DDC: variants seen among roughly 807,000 people sequenced by gnomAD.
The protein encoded by DDC is aromatic-L-amino-acid decarboxylase.
Under a neutral mutation model 60.0 loss-of-function variants are expected in DDC, and 43 were observed. The observed-to-expected ratio is 0.72, with a 90% confidence interval of 0.56 to 0.92. DDC has a LOEUF of 0.92. Ranked by LOEUF, DDC falls within the 40% of genes least tolerant of loss-of-function variation. DDC has a pLI of 0.00. For synonymous variants in DDC, 232 were observed against 234.6 expected, an observed-to-expected ratio of 0.99 and a Z score of 0.10; for missense variants, 573 against 620.2, an observed-to-expected ratio of 0.92 and a Z score of 0.81.
Position 50,463,437 on chromosome 7 carries a change from G to A in DDC, c.1243-6C>T, listed in dbSNP as rs368858247. The A allele has an allele frequency of 2.5e-6, 4 of 1,613,422 alleles. No homozygotes were observed. Among genetic ancestry groups the A allele is most frequent in the Non-Finnish European group, 3.4e-6 (4 of 1,179,482 alleles). On this transcript the variant is annotated splice_region_variant and splice_polypyrimidine_tract_variant and intron_variant, in intron 13 of 14. Transcript: ENST00000444124. ...TCATTCACTTTGTTGGAACCCTGGAGGGATTGAAAGAGAGGAACTGTGCTC... is the reference window on the plus strand; with the variant it reads ...TCATTCACTTTGTTGGAACCCTGGAAGGATTGAAAGAGAGGAACTGTGCTC...
At chr7:50,539,048 G>A (rs1214082311) in intron 3 of DDC, 2 of 152,436 alleles carry the variant, frequency 1.3e-5, no homozygotes, top group Non-Finnish European at 2.9e-5. Flanking sequence ...AAGCAGAGGT[G>A]GCTCAGCTGG....
At chr7:50,487,240 A>G (rs2042904734) in intron 9 of DDC, among the ~76,000 whole-genome samples, 3 of 152,134 alleles carry the variant, frequency 2.0e-5, no homozygotes, top group African/African-American at 7.2e-5. Flanking sequence ...TTCAGTTCAT[A>G]TAGTTTTAGT....
chr7:50,540,009 G>C lies in DDC; in HGVS notation c.221C>G (p.Pro74Arg), dbSNP rs1045841207. ...IMPGVTHWHS[P>R]YFFAYFPTAS... ...AGTGGGGAAGTAGGCGAAGAAGTAG[G>C]GGCTGTGCCAGTGCGTCACCTGCAT... The change falls in exon 3 of 15, where the codon CCC becomes CGC. Residue 74 changes from proline (P) to arginine (R), a missense_variant. Physicochemically the swap from Pro to Arg is moderately radical, Grantham distance 103. Transcript: ENST00000444124. 1 of 1,613,802 alleles carries C rather than the reference G, an allele frequency of 6.2e-7. No homozygotes were observed. The highest frequency in any genetic ancestry group is 1.1e-5 in the South Asian group (1 of 91,002).
chr7:50,560,854 G>A (rs1334244708), intron 1 of DDC, among the ~76,000 whole-genome samples: 1 of 152,086 alleles, frequency 6.6e-6, no homozygotes, highest in Non-Finnish European at 1.5e-5. Context: ...TGCACACACT[G>A]AATGCTCAGC....
chr7:50,554,727 C>G (rs2045124304), intron 1 of DDC, among the ~76,000 whole-genome samples: 1 of 152,184 alleles, frequency 6.6e-6, no homozygotes, highest in East Asian at 1.9e-4. Context: ...CTGTGGTCCT[C>G]AAAGCCAATT....
At chr7:50,513,624 C>A (rs1215143882) in intron 6 of DDC, among the ~76,000 whole-genome samples, 1 of 152,146 alleles carries the variant, frequency 6.6e-6, no homozygotes, top group Non-Finnish European at 1.5e-5. Context: ...AGACTTGGGG[C>A]TCTTGGCAGG....
At chr7:50,505,807 C>T (rs1193717004) in intron 6 of DDC, among the ~76,000 whole-genome samples, 1 of 152,280 alleles carries the variant, frequency 6.6e-6, no homozygotes, top group Admixed American at 6.5e-5. Flanking sequence ...CTCTGTGTCA[C>T]TGAGCTATGC....
In DDC at chr7:50,469,255, TAAA is replaced by T. The variant is rs755613984; in HGVS notation, c.1140+815_1140+817del. Among the ~76,000 whole-genome samples the T allele has an allele frequency of 2.2e-3, 125 of 56,560 alleles. 2 individuals carry two copies. The highest frequency in any genetic ancestry group is 0.01 in the Middle Eastern group (1 of 96). 37.1% of individuals were successfully genotyped at this position (56,560 alleles called of 152,430 possible). A position where few individuals can be genotyped will look rare whatever the true frequency, so the allele number is the denominator to read the frequency against. ...CACCACACCCAGCCAATTGTTATTT[TAAA>T]AAAAAAAAAAAAAAAAAAAGCAGGG... On this transcript the variant is annotated intron_variant, in intron 12 of 14. Coordinates refer to ENST00000444124, the MANE Select transcript of DDC (RefSeq NM_001082971.2).
intron 14 of DDC, among the ~76,000 whole-genome samples, chr7:50,462,768 G>GTTTTTTTTTTTTTTTTTTTTTTTT (rs11302809): frequency 2.0e-4 from 20 of 98,362 alleles, no homozygotes; most frequent in African/African-American, 5.1e-4. Context: ...TCTTCTTCTT[G>GTTTTTTTTTTTTTTTTTTTTTTTT]TTTTTTTTTT....
chr7:50,461,316 T>C (rs934699322), intron 14 of DDC, among the ~76,000 whole-genome samples: 1 of 152,244 alleles, frequency 6.6e-6, no homozygotes, highest in Non-Finnish European at 1.5e-5. Flanking sequence ...CTCAGAGCTA[T>C]GACCACATGA....
At chr7:50,539,331 G>C (rs2044527246) in intron 3 of DDC, among the ~76,000 whole-genome samples, 1 of 151,704 alleles carries the variant, frequency 6.6e-6, no homozygotes, top group Admixed American at 6.6e-5. Context: ...CTGGAGCACA[G>C]AGTCACGGGC....
In DDC at chr7:50,484,673, A is replaced by G. The variant is rs542508032; in HGVS notation, c.945-4810T>C. ...TACATGGGCACACACACACACAGAG[A>G]AACATGCTTTTGTGGCACCAAAGTC... On this transcript the variant is annotated intron_variant, in intron 9 of 14. Coordinates refer to ENST00000444124, the MANE Select transcript of DDC (RefSeq NM_001082971.2). Among the ~76,000 whole-genome samples the G allele has an allele frequency of 1.3e-4, 20 of 152,324 alleles. No individual in the cohort carries two copies. The South Asian group carries it at 3.9e-3, about 30-fold the overall frequency.
intron 7 of DDC, among the ~76,000 whole-genome samples, chr7:50,500,741 C>A (rs1296326089): frequency 1.3e-5 from 2 of 152,242 alleles, no homozygotes; most frequent in African/African-American, 4.8e-5. Flanking sequence ...CACACTTGAC[C>A]TTAATCCAAC....
rs1461367972 is a variant in DDC, at chr7:50,525,249, G to A, written c.714+2888C>T. Among the ~76,000 whole-genome samples, 4 of 152,130 alleles carry A rather than the reference G, an allele frequency of 2.6e-5. No homozygotes were observed. In the South Asian group the frequency reaches 6.2e-4, roughly 24 times the overall value. On this transcript the variant is annotated intron_variant, in intron 6 of 14. Coordinates refer to ENST00000444124, the MANE Select transcript of DDC (RefSeq NM_001082971.2). The stretch of plus-strand genomic sequence containing the variant: ...AGAGGCAGACCTTTGTGGTGCTAGA[G>A]GATTTCAGTATTCTCATTGGCATGG...
At chr7:50,501,943 A>T (rs1376991629) in intron 7 of DDC, among the ~76,000 whole-genome samples, 1 of 152,124 alleles carries the variant, frequency 6.6e-6, no homozygotes, top group Non-Finnish European at 1.5e-5. Flanking sequence ...GCATGATGGC[A>T]TGTGCCTGTG....
intron 9 of DDC, among the ~76,000 whole-genome samples, chr7:50,490,110 T>C (rs1318835209): frequency 6.6e-6 from 1 of 152,234 alleles, no homozygotes; most frequent in Non-Finnish European, 1.5e-5. Context: ...ATTGGTTATT[T>C]TACCAAGGCT....
At chr7:50,493,149 C>A in intron 9 of DDC, 1 of 716,680 alleles carries the variant, frequency 1.4e-6, no homozygotes, top group Admixed American at 2.1e-5. Flanking sequence ...GTCTGTGTCC[C>A]TCAACACAGG....
At chr7:50,484,549 A>C (rs2042839505) in intron 9 of DDC, among the ~76,000 whole-genome samples, 1 of 152,222 alleles carries the variant, frequency 6.6e-6, no homozygotes, top group African/African-American at 2.4e-5. Context: ...CGCCTCTTCA[A>C]TATTTAGGTA....
chr7:50,553,489 T>TC (rs1209461941), intron 1 of DDC, among the ~76,000 whole-genome samples: 21 of 138,316 alleles, frequency 1.5e-4, no homozygotes, highest in East Asian at 4.1e-4. Flanking sequence ...CTTTTCTTTT[T>TC]TTTTTTTTTT....
Sources: allele counts gnomAD v4.1 joint callset (sites outside exome capture counted in the v4.1 genomes callset), GRCh38; gene constraint gnomAD v4.1.1; transcripts MANE v1.5; gene names NCBI Gene and HGNC (gene_info 2026-07-23, HGNC 2026-07-21).